The following SATL1 variants were observed in gnomAD, a reference collection of about 807,000 sequenced individuals.
SATL1 encodes the protein spermidine/spermine N1-acetyl transferase like 1.
Under a neutral mutation model 51.8 loss-of-function variants are expected in SATL1, and 47 were observed. The observed-to-expected ratio is 0.91, with a 90% CI of 0.72 to 1.16. The LOEUF (loss-of-function observed/expected upper bound fraction) is 1.16, where lower values mean the gene tolerates loss of function less well. SATL1 is among the 50% of genes most tolerant of loss of function. The pLI is 0.00. For missense variants in SATL1, 520 were observed against 526.4 expected, an observed-to-expected ratio of 0.99 and a Z score of 0.12; for synonymous variants, 176 against 182.4, an observed-to-expected ratio of 0.97 and a Z score of 0.28.
intron 1 of SATL1, among the ~76,000 whole-genome samples, chrX:85,236,157 C>T (rs1383198479): frequency 1.8e-5 from 2 of 111,277 alleles, no homozygotes; most frequent in Non-Finnish European, 3.8e-5. Context: ...AAAAGCTGAA[C>T]AAACCAATAA....
intron 2 of SATL1, among the ~76,000 whole-genome samples, chrX:85,114,625 C>G (rs1925340858): frequency 8.9e-6 from 1 of 112,190 alleles, no homozygotes; most frequent in Non-Finnish European, 1.9e-5. Flanking sequence ...AATGTGTTAC[C>G]TCTGTGGGAC....
intron 2 of SATL1, among the ~76,000 whole-genome samples, chrX:85,135,911 A>G (rs1925944108): frequency 9.1e-6 from 1 of 110,161 alleles, no homozygotes; most frequent in South Asian, 4.0e-4. Context: ...AAAAGGAAAG[A>G]GCCAAAACCG....
intron 2 of SATL1, among the ~76,000 whole-genome samples, chrX:85,146,515 G>T (rs1465618076): frequency 3.6e-5 from 4 of 111,540 alleles, no homozygotes; most frequent in Non-Finnish European, 7.5e-5. Flanking sequence ...CTTTATCATA[G>T]GTATGTATGT....
rs1413139236 is a variant in SATL1 at position 85,224,343 on chromosome X, G to A, written c.-434-17C>T. 9.0e-6 allele frequency: 1 copy of A among 111,030 alleles called. No individual in the cohort carries two copies. The highest frequency in any genetic ancestry group is 1.9e-5 in the Non-Finnish European group (1 of 52,998). 9.2% of individuals were successfully genotyped at this position (111,030 alleles called of 1,213,427 possible). ...TGCCTGTATCTTAACAGATAAGCAA[G>A]ATCTTTATTTAACTTAATCACATAT... is the stretch of plus-strand genomic sequence containing the variant. On this transcript the variant is annotated splice_polypyrimidine_tract_variant and intron_variant, in intron 1 of 7. Coordinates refer to ENST00000644105, the MANE Select transcript of SATL1 (RefSeq NM_001367857.2).
At chrX:85,131,304 G>A (rs913315894) in intron 2 of SATL1, among the ~76,000 whole-genome samples, 1 of 111,555 alleles carries the variant, frequency 9.0e-6, no homozygotes, top group Non-Finnish European at 1.9e-5. Flanking sequence ...AAGTCTCTAA[G>A]AACTTGCTTT....
At chrX:85,105,047 T>A (rs1438537322) in intron 3 of SATL1, among the ~76,000 whole-genome samples, 2 of 111,618 alleles carry the variant, frequency 1.8e-5, no homozygotes, top group African/African-American at 6.5e-5. Flanking sequence ...TAATATCTGG[T>A]ATAGATCATC....
intron 2 of SATL1, among the ~76,000 whole-genome samples, chrX:85,189,557 C>T (rs1927390768): frequency 8.9e-6 from 1 of 111,934 alleles, no homozygotes; most frequent in Non-Finnish European, 1.9e-5. Flanking sequence ...AAGGTAGCTA[C>T]TTTGTGAATC....
intron 3 of SATL1, among the ~76,000 whole-genome samples, chrX:85,104,771 A>G (rs896574244): frequency 1.8e-5 from 2 of 111,830 alleles, no homozygotes; most frequent in Non-Finnish European, 3.8e-5. Flanking sequence ...TGGATTACTT[A>G]CAATATCTAA....
In SATL1 at chrX:85,107,860, C is replaced by T; in HGVS notation, c.1109G>A (p.Gly370Asp). 1 of 1,211,478 alleles carries T rather than the reference C, an allele frequency of 8.3e-7. No individual in the cohort carries two copies. The highest frequency in any genetic ancestry group is 1.1e-6 in the Non-Finnish European group (1 of 895,552). ...TTGGCTTATACCTGATTGGTTTGTG[C>T]CTGCTTGGCTCGTGCTTGATTGTCT... ...GPRQSSTSQA[G>D]TNQSGISQPV... The change falls in exon 3 of 8, where the codon GGC becomes GAC. Residue 370 changes from glycine to aspartate, a missense_variant. Physicochemically the swap from Gly to Asp is moderately conservative, Grantham distance 94. This residue lies in a region of SATL1 where 488 missense variants were observed against 474.3 expected (regional missense o/e 1.03). Coordinates refer to ENST00000644105, the MANE Select transcript of SATL1 (RefSeq NM_001367857.2).
intron 1 of SATL1, among the ~76,000 whole-genome samples, chrX:85,237,921 T>A (rs761647378): frequency 2.2e-4 from 25 of 111,583 alleles, no homozygotes; most frequent in Non-Finnish European, 4.2e-4. Context: ...CATTTCTCAA[T>A]AGAAGGCATA....
At chrX:85,158,113 G>A (rs1053782082) in intron 2 of SATL1, among the ~76,000 whole-genome samples, 1 of 110,228 alleles carries the variant, frequency 9.1e-6, no homozygotes, top group Non-Finnish European at 1.9e-5. Flanking sequence ...AGTTTCCACA[G>A]AATTAATGCT....
chrX:85,108,709 G>C lies in SATL1; in HGVS notation c.260C>G (p.Pro87Arg), dbSNP rs1190166285. The C allele has an allele frequency of 1.7e-6, 2 of 1,202,362 alleles. No individual in the cohort carries two copies. Among genetic ancestry groups the C allele is most frequent in the Non-Finnish European group, 2.2e-6 (2 of 890,994 alleles). ...PDTWQLGRSQ[P>R]GMLQQELSQL... ...GCTCAGTTCTTGTTGCAGCATGCCT[G>C]GTTGGCTCCTACCTAATTGCCATGT... The change falls in exon 3 of 8, where the codon CCA becomes CGA. Residue 87 changes from proline to arginine, a missense_variant. Pro to Arg is a moderately radical substitution (Grantham distance 103). Around this residue, in one of 3 missense-constraint regions of SATL1, gnomAD observed 488 missense variants for 474.3 expected, o/e 1.03. Transcript: ENST00000644105.
intron 2 of SATL1, among the ~76,000 whole-genome samples, chrX:85,147,883 G>A (rs1926301757): frequency 1.8e-5 from 2 of 111,643 alleles, no homozygotes; most frequent in African/African-American, 6.5e-5. Context: ...AAAAAACAGA[G>A]CAGAAAAACT....
intron 2 of SATL1, among the ~76,000 whole-genome samples, chrX:85,129,917 G>T (rs1470998685): frequency 8.9e-6 from 1 of 111,761 alleles, no homozygotes; most frequent in Non-Finnish European, 1.9e-5. Context: ...TGTGGTTTTT[G>T]TCTTTGGTTC....
intron 2 of SATL1, among the ~76,000 whole-genome samples, chrX:85,220,714 C>T (rs2188732): frequency 1.1e-5 from 1 of 94,701 alleles, no homozygotes; most frequent in East Asian, 3.4e-4. Flanking sequence ...ATGCATCACA[C>T]AGTGTCCTAC....
At chrX:85,146,499 A>G (rs1926242571) in intron 2 of SATL1, among the ~76,000 whole-genome samples, 1 of 111,941 alleles carries the variant, frequency 8.9e-6, no homozygotes, top group African/African-American at 3.2e-5. Context: ...AATTTAAAAA[A>G]ATAAACTTTA....
chrX:85,233,735 C>T (rs929700165), intron 1 of SATL1, among the ~76,000 whole-genome samples: 2 of 111,222 alleles, frequency 1.8e-5, no homozygotes, highest in East Asian at 2.8e-4. Flanking sequence ...TGAAAATACA[C>T]GGTGAGAAGA....
In SATL1 at chrX:85,155,852, C is replaced by A. The variant is rs143374577; in HGVS notation, c.-312-46572G>T. Among the ~76,000 whole-genome samples the A allele has an allele frequency of 6.9e-3, 771 of 111,350 alleles. 8 individuals are homozygous for A. The highest frequency in any genetic ancestry group is 0.024 in the African/African-American group (746 of 30,734). Reference sequence around the variant, plus strand: ...CACAAAATGAAGTTAAAATTACCTACCTTGCAGGCTTTTTGTAAATATTTA... The same window carrying A: ...CACAAAATGAAGTTAAAATTACCTAACTTGCAGGCTTTTTGTAAATATTTA... On this transcript the variant is annotated intron_variant, in intron 2 of 7. Coordinates refer to ENST00000644105, the MANE Select transcript of SATL1 (RefSeq NM_001367857.2).
intron 7 of SATL1, 33 bp from the exon 8 acceptor site, chrX:85,092,594 C>G: frequency 8.7e-7 from 1 of 1,155,553 alleles, no homozygotes; most frequent in Non-Finnish European, 1.2e-6. Context: ...ATATTACTTT[C>G]ATTTGAAAGT....
Sources: gnomAD v4.1 joint callset for allele counts (sites outside exome capture counted in the v4.1 genomes callset) on GRCh38, gnomAD v4.1.1 for gene constraint, gnomAD v4.1.1 regional missense constraint, MANE v1.5 for transcripts, NCBI Gene and HGNC (gene_info 2026-07-23, HGNC 2026-07-21) for gene names.